Variants in CSMD3 observed in about 807,000 individuals in gnomAD.
CSMD3 encodes the protein CUB and Sushi multiple domains 3.
A neutral mutation model predicts 435.2 loss-of-function variants in CSMD3; 177 were observed. The observed-to-expected ratio is 0.41, with a 90% CI of 0.36 to 0.46. CSMD3 has a LOEUF of 0.46. Among genes scored for constraint, CSMD3 ranks in the 20% least tolerant of loss-of-function variants. CSMD3 has a pLI of 0.34. For missense variants in CSMD3, 4,265 were observed against 4,504.6 expected, an observed-to-expected ratio of 0.95 and a Z score of 1.52; for synonymous variants, 1,656 against 1,520.5, an observed-to-expected ratio of 1.09 and a Z score of -2.07.
At chr8:112,606,788 T>C (rs969104792) in intron 22 of CSMD3, among the ~76,000 whole-genome samples, 1 of 151,708 alleles carries the variant, frequency 6.6e-6, no homozygotes, top group Non-Finnish European at 1.5e-5. Context: ...TTGTGAGCAA[T>C]AAATGGTTAA....
intron 4 of CSMD3, among the ~76,000 whole-genome samples, chr8:113,148,874 T>A (rs964658133): frequency 2.6e-5 from 4 of 151,540 alleles, no homozygotes; most frequent in Middle Eastern, 6.3e-3. Flanking sequence ...GAAGCAACAG[T>A]ATTTACTTTA....
rs1179863454 is a variant in CSMD3, at chr8:112,385,359, G to C, written c.5935-1696C>G. On this transcript the variant is annotated intron_variant, in intron 36 of 70. Transcript: ENST00000297405. Reference sequence around the variant, plus strand: ...TATAAGGCACCCTGCATGTAGTAAAGACTCAATAAAGCTTAGCTAAGAGGA... The same window carrying C: ...TATAAGGCACCCTGCATGTAGTAAACACTCAATAAAGCTTAGCTAAGAGGA... Among the ~76,000 whole-genome samples the C allele has an allele frequency of 2.0e-5, 3 of 152,126 alleles. No homozygotes were observed. In the East Asian group the frequency reaches 5.8e-4, roughly 29 times the overall value.
intron 32 of CSMD3, among the ~76,000 whole-genome samples, chr8:112,428,968 A>C (rs1023300203): frequency 5.3e-5 from 8 of 152,094 alleles, no homozygotes; most frequent in Non-Finnish European, 7.4e-5. Flanking sequence ...AATATTCTGA[A>C]GTTTACATGA....
intron 13 of CSMD3, among the ~76,000 whole-genome samples, chr8:112,766,061 A>C (rs555919893): frequency 6.2e-4 from 94 of 151,726 alleles, no homozygotes; most frequent in Admixed American, 7.3e-4. Context: ...TGAAGGAAAA[A>C]ATTTCTACAG....
At chr8:113,156,433 C>T (rs1051277691) in intron 4 of CSMD3, among the ~76,000 whole-genome samples, 4 of 151,798 alleles carry the variant, frequency 2.6e-5, no homozygotes, top group Admixed American at 6.6e-5. Flanking sequence ...CTATTCTCTT[C>T]GTGATAATAT....
chr8:112,378,200 C>T (rs1238078942), intron 38 of CSMD3, among the ~76,000 whole-genome samples: 4 of 150,774 alleles, frequency 2.7e-5, no homozygotes, highest in Non-Finnish European at 4.4e-5. Flanking sequence ...AACTCTTATA[C>T]GTTGTTGGCG....
Position 113,214,744 on chromosome 8 carries a change from A to G in CSMD3, c.515-40828T>C, listed in dbSNP as rs1287797412. On this transcript the variant is annotated intron_variant, in intron 3 of 70. Coordinates refer to ENST00000297405, the MANE Select transcript of CSMD3 (RefSeq NM_198123.2). ...TGGATAATTTAATAAAGATATACTCACACTAATTTGGTTGTTTTTATATAT... is the reference window on the plus strand; with the variant it reads ...TGGATAATTTAATAAAGATATACTCGCACTAATTTGGTTGTTTTTATATAT... Among the ~76,000 whole-genome samples, 5 of 151,898 alleles carry G rather than the reference A, an allele frequency of 3.3e-5. No individual in the cohort carries two copies. In the East Asian group the frequency reaches 9.7e-4, roughly 29 times the overall value.
chr8:112,932,956 CAT>C (rs1171874123), intron 9 of CSMD3, among the ~76,000 whole-genome samples: 1 of 152,084 alleles, frequency 6.6e-6, no homozygotes, highest in Non-Finnish European at 1.5e-5. Flanking sequence ...TCCCCATAAA[CAT>C]GTACAAATAT....
intron 7 of CSMD3, among the ~76,000 whole-genome samples, chr8:112,967,996 C>T (rs1011469699): frequency 6.6e-6 from 1 of 151,824 alleles, no homozygotes; most frequent in Admixed American, 6.6e-5. Flanking sequence ...GCACTGTCAT[C>T]TGTTGTTAGA....
chr8:113,105,800 C>G (rs2131577544), intron 4 of CSMD3, among the ~76,000 whole-genome samples: 1 of 152,038 alleles, frequency 6.6e-6, no homozygotes, highest in South Asian at 2.1e-4. Context: ...TACATACATA[C>G]TAGAAGAAAG....
chr8:112,257,851 G>A (rs1430720985), intron 61 of CSMD3, among the ~76,000 whole-genome samples: 3 of 152,106 alleles, frequency 2.0e-5, no homozygotes, highest in Admixed American at 6.6e-5. Flanking sequence ...GAACAAAACT[G>A]GAGGCATCAC....
chr8:112,656,168 T>A lies in CSMD3; in HGVS notation c.2990A>T (p.Lys997Met), dbSNP rs1486633700. ...TCATTACTTACTTTCATAATGAATC[T>A]TGAAACCATTATTGGAACGACTGTT... ...TDNSRSNNGF[K>M]IHYESVTVNT... The change falls in exon 18 of 71, where the codon AAG becomes ATG. Residue 997 changes from lysine to methionine, a missense_variant. Transcript: ENST00000297405. 1.3e-6 allele frequency: 2 copies of A among 1,551,502 alleles called. No homozygotes were observed. The highest frequency in any genetic ancestry group is 1.8e-6 in the Non-Finnish European group (2 of 1,123,926).
rs1208918787 is a variant in CSMD3, at chr8:112,728,003, G to A, written c.1973-37953C>T. On this transcript the variant is annotated intron_variant, in intron 13 of 70. Coordinates refer to ENST00000297405, the MANE Select transcript of CSMD3 (RefSeq NM_198123.2). ...TGGCAACAATTTGAAATTATCTGGT[G>A]TAATGCTAATTTCCTTTTCCAACAG... Among the ~76,000 whole-genome samples, 7 of 151,906 alleles carry A rather than the reference G, an allele frequency of 4.6e-5. No homozygotes were observed. In the East Asian group the frequency reaches 1.2e-3, roughly 25 times the overall value.
intron 10 of CSMD3, among the ~76,000 whole-genome samples, chr8:112,870,260 G>C (rs2081094680): frequency 6.7e-6 from 1 of 150,252 alleles, no homozygotes; most frequent in African/African-American, 2.4e-5. Context: ...TCTCACGTCA[G>C]TCAGAATGGC....
At chr8:112,650,124 T>C (rs774740843) in intron 19 of CSMD3, 37 bp downstream of exon 19, 2 of 1,396,068 alleles carry the variant, frequency 1.4e-6, no homozygotes, top group South Asian at 1.2e-5. Flanking sequence ...TTTCTGTTTA[T>C]AAATCAGCAT....
chr8:113,120,472 G>A (rs548631909), intron 4 of CSMD3, among the ~76,000 whole-genome samples: 6 of 151,916 alleles, frequency 3.9e-5, no homozygotes, highest in East Asian at 3.9e-4. Flanking sequence ...ATTCAAAGTC[G>A]TGAACAAAGA....
intron 4 of CSMD3, among the ~76,000 whole-genome samples, chr8:113,148,980 T>C (rs947983196): frequency 6.6e-6 from 1 of 151,634 alleles, no homozygotes; most frequent in Non-Finnish European, 1.5e-5. Context: ...TATATACATA[T>C]GTGAATATCT....
intron 7 of CSMD3, among the ~76,000 whole-genome samples, chr8:112,969,068 G>A (rs142506055): frequency 1.3e-5 from 2 of 152,004 alleles, no homozygotes; most frequent in Non-Finnish European, 2.9e-5. Context: ...CCTAAAAATT[G>A]TTACTTTCAC....
At chr8:113,431,699 G>T (rs999784024) in intron 1 of CSMD3, among the ~76,000 whole-genome samples, 12 of 151,564 alleles carry the variant, frequency 7.9e-5, no homozygotes, top group African/African-American at 2.7e-4. Flanking sequence ...TCTTAGAAAA[G>T]CGTTTTAAGG....
Sources: allele counts gnomAD v4.1 joint callset (sites outside exome capture counted in the v4.1 genomes callset), GRCh38; gene constraint gnomAD v4.1.1; transcripts MANE v1.5; gene names NCBI Gene and HGNC (gene_info 2026-07-23, HGNC 2026-07-21).